Variants in SHBG observed in about 807,000 individuals in gnomAD.
SHBG encodes the protein sex hormone-binding globulin.
SHBG carries 37 observed loss-of-function variants against 41.9 expected under a neutral mutation model. The ratio of observed to expected loss-of-function variants is 0.88; its 90% CI spans 0.68 to 1.16. The LOEUF is 1.16. SHBG is among the 50% of genes most tolerant of loss of function. SHBG has a pLI of 0.00. For missense variants in SHBG, 466 were observed against 499.9 expected, an observed-to-expected ratio of 0.93 and a Z score of 0.65; for synonymous variants, 217 against 205.8, an observed-to-expected ratio of 1.05 and a Z score of -0.47.
At chr17:7,625,376 G>A (rs1489180473), upstream of SHBG, among the ~76,000 whole-genome samples, 2 of 150,412 alleles carry the variant, frequency 1.3e-5, no homozygotes, top group African/African-American at 2.4e-5. Context: ...AGGAGATCGA[G>A]ACCATCCTGG....
At chr17:7,620,568 G>A (rs1376070739) in intron 1 of SHBG, among the ~76,000 whole-genome samples, 4 of 151,988 alleles carry the variant, frequency 2.6e-5, no homozygotes, top group Admixed American at 6.6e-5. Context: ...TGATCCACCC[G>A]CCTCAGCCTT....
At chr17:7,621,843 ATT>A (rs879388427) in intron 1 of SHBG, among the ~76,000 whole-genome samples, 1 of 144,476 alleles carries the variant, frequency 6.9e-6, no homozygotes, top group Non-Finnish European at 1.5e-5. Context: ...AGACATTTTA[ATT>A]TTTTTTTTTT....
rs116375972 is a variant in SHBG, at chr17:7,621,588, G to A, written c.-62+7477G>A. On this transcript the variant is annotated intron_variant, in intron 1 of 5. Coordinates refer to the SHBG transcript ENST00000570547. ...TACACTCCAGCCTGGGGGCAACAGA[G>A]CGAGTCTCCGTCTAAAAAAAAAAAA... Among the ~76,000 whole-genome samples, 683 of 86,076 alleles carry A rather than the reference G, an allele frequency of 7.9e-3. 64 individuals carry two copies. Among genetic ancestry groups the A allele is most frequent in the African/African-American group, 0.028 (665 of 23,914 alleles). The allele number at this position is 86,076 out of a possible 152,430, so 56.5% of individuals were successfully genotyped here.
At chr17:7,623,303 A>G (rs2072132194), upstream of SHBG, among the ~76,000 whole-genome samples, 1 of 152,242 alleles carries the variant, frequency 6.6e-6, no homozygotes, top group African/African-American at 2.4e-5. Context: ...AGGCAGGAGA[A>G]CTGCTTGGAC....
rs6258 is a variant in SHBG at position 7,631,360 on chromosome 17, C to A, written c.554C>A (p.Pro185Gln). The A allele has an allele frequency of 1.2e-5, 19 of 1,612,452 alleles. No homozygotes were observed. The South Asian group carries it at 2.0e-4, about 17-fold the overall frequency. ...LLFPASNLRL[P>Q]LVPALDGCLR... The stretch of plus-strand genomic sequence containing the variant: ...TTCCCCGCTTCCAACCTTCGGTTGC[C>A]GGTAACTACACCCCAGGGGTGGAAC... Residue 185 changes from proline to glutamine, a missense_variant and splice_region_variant, in exon 4 of 8, where the codon CCG (proline) becomes CAG (glutamine). Coordinates refer to ENST00000380450, the MANE Select transcript of SHBG (RefSeq NM_001040.5).
At chr17:7,614,586 T>A in intron 1 of SHBG, 1 of 1,205,500 alleles carries the variant, frequency 8.3e-7, no homozygotes, top group East Asian at 3.1e-5. Flanking sequence ...GCAGTCTGAG[T>A]GCGGGCCGGG....
chr17:7,623,250 G>A (rs887189896), upstream of SHBG, among the ~76,000 whole-genome samples: 1 of 152,084 alleles, frequency 6.6e-6, no homozygotes, highest in African/African-American at 2.4e-5. Context: ...AATTAGCCAG[G>A]CGTAGTGGCG....
At chr17:7,618,440 T>A (rs575564431) in intron 1 of SHBG, among the ~76,000 whole-genome samples, 20 of 53,404 alleles carry the variant, frequency 3.7e-4, no homozygotes, top group African/African-American at 1.3e-3. Flanking sequence ...GCTGGCTAGG[T>A]TTGTTTTTTT....
intron 1 of SHBG, among the ~76,000 whole-genome samples, chr17:7,617,637 G>A (rs2072017519): frequency 6.6e-6 from 1 of 151,910 alleles, no homozygotes; most frequent in Non-Finnish European, 1.5e-5. Context: ...ATAAATAAAG[G>A]CGATAGAAGA....
In SHBG at chr17:7,630,757, AC is replaced by A; in HGVS notation, c.282del (p.Trp95GlyfsTer59). ...TATGGGGATACCAACCCTAAGGATGACTGGTTTATGCTGGGACTTCGAGACG... is the reference window on the plus strand; with the variant it reads ...TATGGGGATACCAACCCTAAGGATGATGGTTTATGCTGGGACTTCGAGACG... Reference protein sequence around the residue: ...IFYGDTNPKDDWFMLGLRDGR... With the variant: ...IFYGDTNPKDXWFMLGLRDGR... On this transcript the variant is annotated frameshift_variant, in exon 3 of 8. Transcript: ENST00000380450. LOFTEE classifies it high-confidence loss of function. The surrounding 1 kb of genome is among the most constrained non-coding windows in gnomAD (Gnocchi z 4.6). 4 of 1,614,010 alleles carry A rather than the reference AC, an allele frequency of 2.5e-6. No homozygotes were observed. Among genetic ancestry groups the A allele is most frequent in the Non-Finnish European group, 3.4e-6 (4 of 1,179,972 alleles).
At chr17:7,619,610 G>A (rs915360521) in intron 1 of SHBG, among the ~76,000 whole-genome samples, 3 of 151,214 alleles carry the variant, frequency 2.0e-5, no homozygotes, top group Non-Finnish European at 2.9e-5. Flanking sequence ...GGAGGCTGAG[G>A]CAGGACAATT....
chr17:7,633,154 T>C, intron 7 of SHBG, 50 bp from the exon 8 acceptor site: 1 of 1,607,916 alleles, frequency 6.2e-7, no homozygotes, highest in East Asian at 2.2e-5. Context: ...AGATTCTGGA[T>C]CCGAGCCACC....
intron 1 of SHBG, among the ~76,000 whole-genome samples, chr17:7,615,439 A>G (rs1468336577): frequency 6.6e-6 from 1 of 152,382 alleles, no homozygotes; most frequent in Non-Finnish European, 1.5e-5. Context: ...CGATATTTTA[A>G]GAATCTGTAA....
upstream of SHBG, among the ~76,000 whole-genome samples, chr17:7,624,558 G>A (rs1393608775): frequency 6.6e-6 from 1 of 152,102 alleles, no homozygotes; most frequent in Non-Finnish European, 1.5e-5. Context: ...TAGAGATGTG[G>A]TCTTGCCCAT....
In SHBG at chr17:7,630,434, G is replaced by C; in HGVS notation, c.130G>C (p.Ala44Pro). 1 of 1,613,958 alleles carries C rather than the reference G, an allele frequency of 6.2e-7. No individual in the cohort carries two copies. The highest frequency in any genetic ancestry group is 8.5e-7 in the Non-Finnish European group (1 of 1,179,952). ...CTGATAGAGTGCCCACGACCCTCCG[G>C]CTGTCCACCTCAGCAATGGCCCAGG... is the stretch of plus-strand genomic sequence containing the variant. ...LPTQSAHDPP[A>P]VHLSNGPGQE... Residue 44 changes from alanine (A) to proline (P), a missense_variant, in exon 2 of 8, where the codon GCT becomes CCT. By Grantham distance (27) the Ala-to-Pro change is conservative (BLOSUM62 -1). Transcript: ENST00000380450. The surrounding 1 kb of genome is among the most constrained non-coding windows in gnomAD (Gnocchi z 4.6).
In SHBG at chr17:7,630,885, T is replaced by A; in HGVS notation, c.393+16T>A. 6.2e-7 allele frequency: 1 copy of A among 1,609,868 alleles called. No homozygotes were observed. ...ATGGCACCAGGTAAGCTAGCTCTGG[T>A]CCTCAGGGGAGGGATGTCTGGAGCT... On this transcript the variant is annotated intron_variant, in intron 3 of 7. Coordinates refer to ENST00000380450, the MANE Select transcript of SHBG (RefSeq NM_001040.5). This position sits in a 1 kb window ranked among gnomAD's most constrained non-coding sequence, Gnocchi z 4.6.
rs905400337 is a variant in SHBG at position 7,632,975 on chromosome 17, G to A, written c.1060+16G>A. ...GCTTTACCAGGTAAGAGAGAATGATGTTCAAGTTCATGAGCACAACATTGG... is the reference window on the plus strand; with the variant it reads ...GCTTTACCAGGTAAGAGAGAATGATATTCAAGTTCATGAGCACAACATTGG... On this transcript the variant is annotated intron_variant, in intron 7 of 7. Coordinates refer to ENST00000380450, the MANE Select transcript of SHBG (RefSeq NM_001040.5). 15 of 1,605,938 alleles carry A rather than the reference G, an allele frequency of 9.3e-6. No individual in the cohort carries two copies. Among genetic ancestry groups the A allele is most frequent in the Non-Finnish European group, 1.3e-5 (15 of 1,173,186 alleles).
upstream of SHBG, chr17:7,627,360 C>A: frequency 1.9e-6 from 3 of 1,614,198 alleles, no homozygotes; most frequent in East Asian, 2.2e-5. The surrounding 1 kb of genome is among the most constrained non-coding windows in gnomAD (Gnocchi z 4.8). Context: ...GCTGAGCCCC[C>A]ACCTTCTTCA....
upstream of SHBG, among the ~76,000 whole-genome samples, chr17:7,629,832 G>A (rs1480919403): frequency 6.6e-6 from 1 of 152,186 alleles, no homozygotes; most frequent in Admixed American, 6.5e-5. Flanking sequence ...TCAGGCCTGT[G>A]AATGCAGGCT....
Sources: gnomAD v4.1 joint callset for allele counts (sites outside exome capture counted in the v4.1 genomes callset) on GRCh38, gnomAD v4.1.1 for gene constraint, Gnocchi (gnomAD v3.1) non-coding constraint, MANE v1.5 for transcripts, NCBI Gene and HGNC (gene_info 2026-07-23, HGNC 2026-07-21) for gene names.